The following RABGAP1L variants were observed in gnomAD, a reference collection of about 807,000 sequenced individuals.
The protein encoded by RABGAP1L is rab GTPase-activating protein 1-like.
Under a neutral mutation model 137.7 loss-of-function variants are expected in RABGAP1L, and 63 were observed. The ratio of observed to expected loss-of-function variants is 0.46; its 90% CI spans 0.37 to 0.56. The LOEUF (loss-of-function observed/expected upper bound fraction) is 0.56. Among genes scored for constraint, RABGAP1L ranks in the 20% least tolerant of loss-of-function variants. The pLI, the probability that RABGAP1L is intolerant of heterozygous loss-of-function variation, is 0.00. For missense variants in RABGAP1L, 1,095 were observed against 1,244.0 expected (o/e 0.88, Z 1.80); for synonymous variants, 431 against 433.7 (o/e 0.99, Z 0.08).
At chr1:174,260,804 C>T (rs1367675079) in intron 7 of RABGAP1L, among the ~76,000 whole-genome samples, 5 of 152,066 alleles carry the variant, frequency 3.3e-5, no homozygotes, top group Non-Finnish European at 7.4e-5. Flanking sequence ...TACTTAGCAC[C>T]TACTTGGATG....
intron 1 of RABGAP1L, among the ~76,000 whole-genome samples, chr1:174,170,367 G>A (rs534864248): frequency 6.6e-6 from 1 of 152,166 alleles, no homozygotes; most frequent in Non-Finnish European, 1.5e-5. Context: ...CAGGATTAGA[G>A]AACTTCAGTA....
At chr1:174,829,736 TTAC>T (rs1243717677) in intron 19 of RABGAP1L, among the ~76,000 whole-genome samples, 1 of 148,670 alleles carries the variant, frequency 6.7e-6, no homozygotes, top group Admixed American at 6.7e-5. Flanking sequence ...TGTAATATAA[TTAC>T]TAATAGATCA....
At chr1:174,371,174 A>G (rs191278930) in intron 12 of RABGAP1L, 102 bp downstream of exon 12, 117 of 510,434 alleles carry the variant, frequency 2.3e-4, no homozygotes, top group Non-Finnish European at 3.5e-4. Context: ...AAGGATTAAT[A>G]TTAAAATCTA....
intron 13 of RABGAP1L, among the ~76,000 whole-genome samples, chr1:174,402,958 T>C (rs1383644398): frequency 3.3e-5 from 5 of 152,126 alleles, no homozygotes; most frequent in Admixed American, 1.3e-4. Flanking sequence ...ACATATATGG[T>C]ATAGTTTGCC....
chr1:174,325,150 C>A (rs1680327343), intron 11 of RABGAP1L, among the ~76,000 whole-genome samples: 1 of 152,150 alleles, frequency 6.6e-6, no homozygotes, highest in Admixed American at 6.5e-5. Context: ...CTGCACTTAA[C>A]CATACAGTTT....
intron 21 of RABGAP1L, among the ~76,000 whole-genome samples, chr1:174,972,579 G>C (rs11582831): frequency 0.18 from 27,016 of 152,006 alleles, 2,849 homozygotes; most frequent in Non-Finnish European, 0.24. Context: ...GCTGTCTGGT[G>C]CAGTGGCTCA....
intron 1 of RABGAP1L, among the ~76,000 whole-genome samples, chr1:174,180,600 G>A (rs1361568251): frequency 1.3e-5 from 2 of 152,140 alleles, no homozygotes; most frequent in African/African-American, 4.8e-5. Flanking sequence ...AAGTGGCTGG[G>A]ACTGAAGGCA....
At chr1:174,727,270 C>T (rs922248332) in intron 17 of RABGAP1L, among the ~76,000 whole-genome samples, 1 of 152,132 alleles carries the variant, frequency 6.6e-6, no homozygotes, top group South Asian at 2.1e-4. Context: ...TGTTAAGAAT[C>T]AGATTTCATT....
chr1:174,616,312 G>A (rs1048333155), intron 13 of RABGAP1L, among the ~76,000 whole-genome samples: 1 of 152,148 alleles, frequency 6.6e-6, no homozygotes, highest in Non-Finnish European at 1.5e-5. Flanking sequence ...CAAATTATTA[G>A]CTTTTGCTAC....
chr1:174,528,161 T>C lies in RABGAP1L; in HGVS notation c.1711-109214T>C, dbSNP rs188672087. 2.3e-3 allele frequency among the ~76,000 whole-genome samples: 344 copies of C among 152,252 alleles called. 4 individuals are homozygous for C. The highest frequency in any genetic ancestry group is 1.5e-3 in the Non-Finnish European group (103 of 68,004). ...TTTATATTCTAGGTGGTTATTAATA[T>C]ATAACATTTTGTTGCTGTCATATAG... is the stretch of plus-strand genomic sequence containing the variant. On this transcript the variant is annotated intron_variant, in intron 13 of 25. Coordinates refer to ENST00000681986, the MANE Select transcript of RABGAP1L (RefSeq NM_001366446.1).
At chr1:174,769,233 A>G (rs1219464861) in intron 18 of RABGAP1L, among the ~76,000 whole-genome samples, 1 of 152,144 alleles carries the variant, frequency 6.6e-6, no homozygotes, top group African/African-American at 2.4e-5. Flanking sequence ...GTGGCTAGAC[A>G]ATGGATACTT....
intron 1 of RABGAP1L, among the ~76,000 whole-genome samples, chr1:174,209,363 C>G (rs1229736238): frequency 6.6e-6 from 1 of 152,104 alleles, no homozygotes; most frequent in Non-Finnish European, 1.5e-5. Flanking sequence ...GAGGGGAGCC[C>G]TCTGCCCTGA....
intron 11 of RABGAP1L, among the ~76,000 whole-genome samples, chr1:174,324,513 A>G (rs536301449): frequency 6.6e-6 from 1 of 152,258 alleles, no homozygotes; most frequent in African/African-American, 2.4e-5. Context: ...ACTGAAATGG[A>G]ACTATTTTTC....
At chr1:174,289,135 T>A (rs1041038983) in intron 10 of RABGAP1L, among the ~76,000 whole-genome samples, 2 of 152,170 alleles carry the variant, frequency 1.3e-5, no homozygotes, top group African/African-American at 4.8e-5. Flanking sequence ...ACTCCAGGGC[T>A]CAAGTGATGA....
intron 14 of RABGAP1L, among the ~76,000 whole-genome samples, chr1:174,640,984 TAA>T (rs1044400934): frequency 2.8e-4 from 25 of 89,052 alleles, no homozygotes; most frequent in African/African-American, 2.0e-3. Context: ...TAATTAAATA[TAA>T]TTTTAGATTA....
At chr1:174,598,141 C>G (rs963484773) in intron 13 of RABGAP1L, among the ~76,000 whole-genome samples, 3 of 151,936 alleles carry the variant, frequency 2.0e-5, no homozygotes, top group Non-Finnish European at 2.9e-5. Flanking sequence ...CTATCCTGGC[C>G]AACATGGGAA....
At chr1:174,261,787 ATCTTGAAG>A (rs1365069121) in intron 7 of RABGAP1L, among the ~76,000 whole-genome samples, 2 of 152,224 alleles carry the variant, frequency 1.3e-5, no homozygotes, top group African/African-American at 4.8e-5. Flanking sequence ...TCAAGTTACT[ATCTTGAAG>A]TTGCCTAGAT....
intron 3 of RABGAP1L, among the ~76,000 whole-genome samples, chr1:174,230,084 CA>C (rs1204499062): frequency 6.6e-6 from 1 of 152,118 alleles, no homozygotes; most frequent in African/African-American, 2.4e-5. Context: ...ATGATGAGTT[CA>C]TGTCCTTTGT....
intron 12 of RABGAP1L, among the ~76,000 whole-genome samples, chr1:174,384,596 A>G (rs1686582939): frequency 6.6e-6 from 1 of 151,998 alleles, no homozygotes; most frequent in Non-Finnish European, 1.5e-5. Flanking sequence ...CTCTTGTCAG[A>G]ACAGTGCCTT....
Sources: gnomAD v4.1 joint callset for allele counts (sites outside exome capture counted in the v4.1 genomes callset) on GRCh38, gnomAD v4.1.1 for gene constraint, MANE v1.5 for transcripts, NCBI Gene and HGNC (gene_info 2026-07-23, HGNC 2026-07-21) for gene names.